Variants in COX4I1 observed in about 807,000 individuals in gnomAD.
The protein encoded by COX4I1 is cytochrome c oxidase subunit 4 isoform 1, mitochondrial.
A neutral mutation model predicts 21.7 loss-of-function variants in COX4I1; 18 were observed. The observed-to-expected ratio is 0.83, with a 90% confidence interval of 0.57 to 1.23. COX4I1 has a LOEUF of 1.23. Ranked by LOEUF, COX4I1 falls within the 50% of genes most tolerant of loss-of-function variation. The probability of loss-of-function intolerance (pLI) is 0.00; values close to 1 mark genes in which losing one functional copy is unlikely to be tolerated. For synonymous variants in COX4I1, 100 were observed against 81.5 expected, an observed-to-expected ratio of 1.23 and a Z score of -1.23; for missense variants, 238 against 220.7, an observed-to-expected ratio of 1.08 and a Z score of -0.50.
intron 1 of COX4I1, among the ~76,000 whole-genome samples, chr16:85,800,362 G>T (rs535022468): frequency 6.6e-6 from 1 of 152,022 alleles, no homozygotes; most frequent in East Asian, 1.9e-4. Flanking sequence ...GCCCGGGTGA[G>T]GGGGGGTCTC....
intron 4 of COX4I1, 182 bp from the exon 5 acceptor site, chr16:85,806,556 G>T (rs569351955): frequency 7.7e-5 from 66 of 853,144 alleles, no homozygotes; most frequent in Non-Finnish European, 1.3e-4. Context: ...CAAACAAAGG[G>T]CTAATTTTAA....
At chr16:85,806,551 A>G in intron 4 of COX4I1, 187 bp from the exon 5 acceptor site, 1 of 832,396 alleles carries the variant, frequency 1.2e-6, no homozygotes, top group Non-Finnish European at 2.0e-6. Context: ...TTTTACAAAC[A>G]AAGGGCTAAT....
intron 2 of COX4I1, 123 bp downstream of exon 2, chr16:85,801,401 G>C: frequency 2.9e-6 from 2 of 688,632 alleles, no homozygotes; most frequent in Non-Finnish European, 5.0e-6. Context: ...CTTTAGGGGA[G>C]ATATAAATGT....
chr16:85,802,531 TAATA>T (rs2152082238), intron 2 of COX4I1, among the ~76,000 whole-genome samples: 1 of 103,542 alleles, frequency 9.7e-6, no homozygotes, highest in East Asian at 3.0e-4. Flanking sequence ...CATACATGAA[TAATA>T]CATGAATGTG....
At chr16:85,805,956 A>G in intron 4 of COX4I1, 92 bp downstream of exon 4, 1 of 1,543,762 alleles carries the variant, frequency 6.5e-7, no homozygotes, top group Non-Finnish European at 8.9e-7. Flanking sequence ...CCATACCTTG[A>G]GGCTATGAGA....
In COX4I1 at chr16:85,807,043, T is replaced by C; in HGVS notation, c.*169T>C. The C allele has an allele frequency of 1.4e-6, 1 of 692,678 alleles. No homozygotes were observed. The highest frequency in any genetic ancestry group is 2.3e-6 in the Non-Finnish European group (1 of 428,252). The allele number at this position is 692,678 out of a possible 1,614,324, so 42.9% of individuals were successfully genotyped here. A position where few individuals can be genotyped will look rare whatever the true frequency, so the allele number is the denominator to read the frequency against. ...TCTTTAATGATACCTAAATGAAAGC[T>C]AATTAAAACAATAGGTTTCTCCCAA... is the stretch of plus-strand genomic sequence containing the variant. On this transcript the variant is annotated 3_prime_UTR_variant, in exon 5 of 5. Coordinates refer to ENST00000253452, the MANE Select transcript of COX4I1 (RefSeq NM_001861.6).
intron 2 of COX4I1, among the ~76,000 whole-genome samples, chr16:85,801,996 G>A (rs1006568960): frequency 1.3e-5 from 2 of 152,150 alleles, no homozygotes; most frequent in African/African-American, 4.8e-5. Flanking sequence ...GGGTTTCAGG[G>A]AAGGCTTCTG....
At position 85,807,034 on chromosome 16, in the gene COX4I1, A is replaced by T. The variant is rs142070470; in HGVS notation, c.*160A>T. The T allele has an allele frequency of 8.8e-4, 621 of 706,992 alleles. No individual in the cohort carries two copies. The highest frequency in any genetic ancestry group is 1.3e-3 in the Non-Finnish European group (555 of 439,056). 43.8% of individuals were successfully genotyped at this position (706,992 alleles called of 1,614,324 possible). A position where few individuals can be genotyped will look rare whatever the true frequency, so the allele number is the denominator to read the frequency against. ...GTGATCAGTTCTTTAATGATACCTA[A>T]ATGAAAGCTAATTAAAACAATAGGT... On this transcript the variant is annotated 3_prime_UTR_variant, in exon 5 of 5. Transcript: ENST00000253452.
chr16:85,806,332 C>A, intron 4 of COX4I1: 1 of 628,470 alleles, frequency 1.6e-6, no homozygotes, highest in Admixed American at 2.6e-5. Context: ...AATGACTCTT[C>A]CCCGAGGTTC....
chr16:85,805,732 G>T lies in COX4I1; in HGVS notation c.242-1G>T. 1.2e-6 allele frequency: 2 copies of T among 1,614,180 alleles called. No homozygotes were observed. The highest frequency in any genetic ancestry group is 1.7e-6 in the Non-Finnish European group (2 of 1,179,996). On this transcript the variant is annotated splice_acceptor_variant, in intron 3 of 4. Coordinates refer to ENST00000253452, the MANE Select transcript of COX4I1 (RefSeq NM_001861.6). LOFTEE classifies it high-confidence loss of function. ...TAAATGGCTGTCCTCTCTGCCCCCA[G>T]TGTATCGCATTAAGTTCAAGGAGAG...
chr16:85,800,738 C>G (rs1905657661), intron 1 of COX4I1, among the ~76,000 whole-genome samples: 2 of 152,122 alleles, frequency 1.3e-5, no homozygotes, highest in Admixed American at 1.3e-4. Flanking sequence ...ATTCTTCTAC[C>G]TCAGCCTCCC....
rs147512107 is a variant in COX4I1, at chr16:85,805,609, G to C, written c.242-124G>C. 1.0e-3 allele frequency: 1,424 copies of C among 1,426,070 alleles called. 3 individuals are homozygous for C. Among genetic ancestry groups the C allele is most frequent in the Non-Finnish European group, 1.3e-3 (1,335 of 1,037,748 alleles). 88.3% of individuals were successfully genotyped at this position (1,426,070 alleles called of 1,614,324 possible). A position where few individuals can be genotyped will look rare whatever the true frequency, so the allele number is the denominator to read the frequency against. ...CGTGAACATGATGTGGCCTGGGTTGGTGTATCCTTCAGCTCTGTGTTTCCT... is the reference window on the plus strand; with the variant it reads ...CGTGAACATGATGTGGCCTGGGTTGCTGTATCCTTCAGCTCTGTGTTTCCT... On this transcript the variant is annotated intron_variant, in intron 3 of 4. Transcript: ENST00000253452.
intron 4 of COX4I1, 95 bp downstream of exon 4, chr16:85,805,959 C>A: frequency 1.3e-6 from 2 of 1,529,546 alleles, no homozygotes; most frequent in Non-Finnish European, 1.8e-6. Flanking sequence ...TACCTTGAGG[C>A]TATGAGATAG....
intron 2 of COX4I1, chr16:85,804,280 G>C (rs1229099355): frequency 6.6e-6 from 1 of 152,258 alleles, no homozygotes; most frequent in East Asian, 1.9e-4. Flanking sequence ...CTTGCAGATA[G>C]GCTTTCATTT....
chr16:85,801,355 T>G, intron 2 of COX4I1, 77 bp downstream of exon 2: 2 of 1,335,370 alleles, frequency 1.5e-6, no homozygotes, highest in Non-Finnish European at 2.1e-6. Context: ...AGCCCTGTGC[T>G]GGAGTTTTAA....
rs774898740 is a variant in COX4I1, at chr16:85,805,807, G to A, written c.316G>A (p.Gly106Ser). 6.8e-6 allele frequency: 11 copies of A among 1,614,228 alleles called. No homozygotes were observed. The highest frequency in any genetic ancestry group is 4.5e-5 in the East Asian group (2 of 44,890). Residue 106 changes from glycine (G) to serine (S), a missense_variant, in exon 4 of 5, where the codon GGT (glycine) becomes AGT (serine). By Grantham distance (56) the Gly-to-Ser change is moderately conservative (BLOSUM62 0). Transcript: ENST00000253452. ...GSNEWKTVVGGAMFFIGFTAL... is the reference protein window; with the variant it reads ...GSNEWKTVVGSAMFFIGFTAL... ...GAACGAGTGGAAGACGGTTGTGGGCGGTGCCATGTTCTTCATCGGTTTCAC... is the reference window on the plus strand; with the variant it reads ...GAACGAGTGGAAGACGGTTGTGGGCAGTGCCATGTTCTTCATCGGTTTCAC...
chr16:85,801,225 T>C lies in COX4I1; in HGVS notation c.20T>C (p.Phe7Ser). The change falls in exon 2 of 5, where the codon TTT becomes TCT. Residue 7 changes from phenylalanine to serine, a missense_variant. Coordinates refer to ENST00000253452, the MANE Select transcript of COX4I1 (RefSeq NM_001861.6). Reference sequence around the variant, plus strand: ...TTCAGAATGTTGGCTACCAGGGTATTTAGCCTAGTTGGCAAGCGAGCAATT... The same window carrying C: ...TTCAGAATGTTGGCTACCAGGGTATCTAGCCTAGTTGGCAAGCGAGCAATT... MLATRVFSLVGKRAIST... is the reference protein window; with the variant it reads MLATRVSSLVGKRAIST... 6.2e-7 allele frequency: 1 copy of C among 1,609,922 alleles called. No individual in the cohort carries two copies. Among genetic ancestry groups the C allele is most frequent in the Non-Finnish European group, 8.5e-7 (1 of 1,176,422 alleles).
chr16:85,805,685 G>C (rs1286594821), intron 3 of COX4I1, 48 bp from the exon 4 acceptor site: 1 of 1,607,312 alleles, frequency 6.2e-7, no homozygotes, highest in South Asian at 1.1e-5. Flanking sequence ...GCAGAGGAGG[G>C]AGCTGCTGAC....
At chr16:85,805,565 A>G (rs1156508103) in intron 3 of COX4I1, 168 bp from the exon 4 acceptor site, 3 of 891,450 alleles carry the variant, frequency 3.4e-6, no homozygotes, top group Non-Finnish European at 3.4e-6. Flanking sequence ...CTGCGTGGGC[A>G]CGTGTGTGCA....
Sources: gnomAD v4.1 joint callset for allele counts (sites outside exome capture counted in the v4.1 genomes callset) on GRCh38, gnomAD v4.1.1 for gene constraint, MANE v1.5 for transcripts, NCBI Gene and HGNC (gene_info 2026-07-23, HGNC 2026-07-21) for gene names.